The following GUCY2F variants were observed in gnomAD, a reference collection of about 807,000 sequenced individuals.
GUCY2F encodes the protein retinal guanylyl cyclase 2.
GUCY2F carries 61 observed loss-of-function variants against 73.1 expected under a neutral mutation model. The observed-to-expected ratio is 0.83, with a 90% CI of 0.68 to 1.03. The LOEUF is 1.03. Ranked by LOEUF, GUCY2F falls within the 50% of genes least tolerant of loss-of-function variation. The pLI is 0.00. For synonymous variants in GUCY2F, 331 were observed against 307.8 expected, an observed-to-expected ratio of 1.08 and a Z score of -0.79; for missense variants, 912 against 854.3, an observed-to-expected ratio of 1.07 and a Z score of -0.84.
intron 1 of GUCY2F, among the ~76,000 whole-genome samples, chrX:109,477,107 T>C (rs886258993): frequency 9.0e-6 from 1 of 111,326 alleles, no homozygotes; most frequent in Admixed American, 9.6e-5. Flanking sequence ...TTGGAGTCTG[T>C]CACAATAATC....
intron 1 of GUCY2F, among the ~76,000 whole-genome samples, chrX:109,477,172 G>A (rs375839743): frequency 9.0e-5 from 10 of 111,210 alleles, no homozygotes; most frequent in African/African-American, 3.3e-4. Context: ...TAGAGGAATG[G>A]GATCATCTCC....
At chrX:109,459,381 G>T (rs1308429976) in intron 3 of GUCY2F, among the ~76,000 whole-genome samples, 1 of 111,425 alleles carries the variant, frequency 9.0e-6, no homozygotes, top group East Asian at 2.8e-4. Flanking sequence ...CTGTAGAAGT[G>T]AAGGTGAGGC....
chrX:109,427,105 C>T (rs1931506879), intron 8 of GUCY2F, among the ~76,000 whole-genome samples: 1 of 112,016 alleles, frequency 8.9e-6, no homozygotes, highest in Non-Finnish European at 1.9e-5. Flanking sequence ...TGGTCATGAT[C>T]TTGAGGTACT....
At chrX:109,466,282 T>G (rs1333162838) in intron 2 of GUCY2F, among the ~76,000 whole-genome samples, 1 of 111,195 alleles carries the variant, frequency 9.0e-6, no homozygotes, top group African/African-American at 3.3e-5. Context: ...CCTTTGAGAG[T>G]CATGTTGGTG....
At chrX:109,426,254 A>G (rs1448156551) in intron 8 of GUCY2F, among the ~76,000 whole-genome samples, 1 of 112,294 alleles carries the variant, frequency 8.9e-6, no homozygotes, top group Non-Finnish European at 1.9e-5. Flanking sequence ...AAATAAAACA[A>G]GGGCTTGTGA....
chrX:109,435,307 C>T (rs1296558137), intron 7 of GUCY2F, among the ~76,000 whole-genome samples: 3 of 107,188 alleles, frequency 2.8e-5, no homozygotes, highest in Middle Eastern at 4.7e-3. Flanking sequence ...TTTCATTGAG[C>T]AGTGGTTTGT....
intron 3 of GUCY2F, among the ~76,000 whole-genome samples, chrX:109,454,833 A>G (rs1288669196): frequency 9.0e-6 from 1 of 111,011 alleles, no homozygotes; most frequent in Non-Finnish European, 1.9e-5. Context: ...CTTCACTTCT[A>G]GGATGGAGTT....
intron 4 of GUCY2F, among the ~76,000 whole-genome samples, chrX:109,452,529 A>C (rs781462553): frequency 4.0e-4 from 45 of 112,016 alleles, no homozygotes; most frequent in Non-Finnish European, 7.7e-4. Flanking sequence ...AGCCCATATG[A>C]GTTATAGATG....
At position 109,434,920 on chromosome X, in the gene GUCY2F, A is replaced by G. The variant is rs1429241046; in HGVS notation, c.1702-4524T>C. Among the ~76,000 whole-genome samples the G allele has an allele frequency of 6.3e-5, 7 of 110,578 alleles. No homozygotes were observed. The East Asian group carries it at 2.0e-3, about 31-fold the overall frequency. On this transcript the variant is annotated intron_variant, in intron 7 of 19. Coordinates refer to ENST00000218006, the MANE Select transcript of GUCY2F (RefSeq NM_001522.3). ...ATTGCTTGTTTTTCTCAGGTTTGTCAAAGATCAGATAGTTGTAGATATGTG... is the reference window on the plus strand; with the variant it reads ...ATTGCTTGTTTTTCTCAGGTTTGTCGAAGATCAGATAGTTGTAGATATGTG...
At chrX:109,448,011 TTTGTGGC>T in intron 6 of GUCY2F, 51 bp downstream of exon 6, 1 of 590,603 alleles carries the variant, frequency 1.7e-6, no homozygotes, top group East Asian at 3.4e-5. Context: ...TGAGTAATTA[TTTGTGGC>T]TTGTGGCTAC....
chrX:109,403,382 T>C (rs1019152306), intron 10 of GUCY2F, among the ~76,000 whole-genome samples: 98 of 111,844 alleles, frequency 8.8e-4, no homozygotes, highest in African/African-American at 3.1e-3. Flanking sequence ...TGGAGTTATC[T>C]TATTATATCC....
chrX:109,406,949 T>C (rs1243063583), intron 9 of GUCY2F, among the ~76,000 whole-genome samples: 1 of 112,104 alleles, frequency 8.9e-6, no homozygotes, highest in Non-Finnish European at 1.9e-5. Flanking sequence ...ATCAGCAGCA[T>C]GAAAATGGAC....
intron 15 of GUCY2F, among the ~76,000 whole-genome samples, chrX:109,385,549 A>G (rs759739576): frequency 4.9e-4 from 55 of 111,940 alleles, no homozygotes; most frequent in African/African-American, 1.7e-3. Flanking sequence ...ATATTTGTCA[A>G]CAGGGACAAA....
chrX:109,408,879 C>G, intron 9 of GUCY2F, 113 bp downstream of exon 9: 1 of 484,854 alleles, frequency 2.1e-6, no homozygotes, highest in Non-Finnish European at 3.6e-6. Flanking sequence ...TGGACTAATA[C>G]AGAAAGTAAG....
intron 7 of GUCY2F, among the ~76,000 whole-genome samples, chrX:109,435,419 C>T (rs1442120160): frequency 9.4e-6 from 1 of 106,441 alleles, no homozygotes; most frequent in Non-Finnish European, 1.9e-5. Flanking sequence ...CATGATTTGG[C>T]TCTCTGTTTG....
chrX:109,427,692 A>G (rs1434822522), intron 8 of GUCY2F, among the ~76,000 whole-genome samples: 1 of 112,101 alleles, frequency 8.9e-6, no homozygotes, highest in East Asian at 2.8e-4. Context: ...ATTCAACTAA[A>G]AAGCATTAAA....
At chrX:109,470,747 A>G (rs940701590) in intron 2 of GUCY2F, among the ~76,000 whole-genome samples, 5 of 111,347 alleles carry the variant, frequency 4.5e-5, no homozygotes, top group Non-Finnish European at 9.4e-5. Context: ...GAACCCAACA[A>G]TCTGTGTTTT....
Position 109,426,798 on chromosome X carries a change from A to C in GUCY2F, c.1791+3509T>G, listed in dbSNP as rs1453625412. ...AATGGAAGAGAAGATTATTAGGATG[A>C]TATGGCAAAGAATGAAATAGTCAAG... On this transcript the variant is annotated intron_variant, in intron 8 of 19. Coordinates refer to ENST00000218006, the MANE Select transcript of GUCY2F (RefSeq NM_001522.3). 4.5e-5 allele frequency among the ~76,000 whole-genome samples: 5 copies of C among 112,202 alleles called. No individual in the cohort carries two copies. In the Admixed American group the frequency reaches 4.7e-4, roughly 11 times the overall value.
At chrX:109,436,486 G>A (rs1398345217) in intron 7 of GUCY2F, among the ~76,000 whole-genome samples, 7 of 111,284 alleles carry the variant, frequency 6.3e-5, no homozygotes, top group South Asian at 3.8e-4. Flanking sequence ...ACATGTACAC[G>A]TATGTTTATT....
Sources: gnomAD v4.1 joint callset for allele counts (sites outside exome capture counted in the v4.1 genomes callset) on GRCh38, gnomAD v4.1.1 for gene constraint, MANE v1.5 for transcripts, NCBI Gene and HGNC (gene_info 2026-07-23, HGNC 2026-07-21) for gene names.